Variants in CIAO1 observed in about 807,000 individuals in gnomAD.
CIAO1 encodes the protein probable cytosolic iron-sulfur protein assembly protein CIAO1.
CIAO1 carries 32 observed loss-of-function variants against 43.1 expected under a neutral mutation model. That is an observed-to-expected ratio of 0.74 (90% CI 0.56 to 1.00). The LOEUF (loss-of-function observed/expected upper bound fraction) is 1.00, where lower values mean the gene tolerates loss of function less well. CIAO1 is among the 50% of genes least tolerant of loss of function. CIAO1 has a pLI of 0.00. For synonymous variants in CIAO1, 183 were observed against 171.4 expected (o/e 1.07, Z -0.53); for missense variants, 415 against 437.4 (o/e 0.95, Z 0.46).
chr2:96,266,557 A>G (rs963417918), intron 1 of CIAO1, 68 bp downstream of exon 1: 2 of 1,320,174 alleles, frequency 1.5e-6, no homozygotes, highest in South Asian at 2.1e-5. Context: ...GCAGGCGCTC[A>G]GCCTGCAGGG....
At chr2:96,270,134 A>G (rs1037028153) in intron 6 of CIAO1, among the ~76,000 whole-genome samples, 7 of 152,258 alleles carry the variant, frequency 4.6e-5, no homozygotes, top group Admixed American at 3.9e-4. Flanking sequence ...GGAATCACCT[A>G]TTCAACAAAA....
chr2:96,268,631 CGTCA>C lies in CIAO1; in HGVS notation c.667_670del (p.Gln223IlefsTer40). On this transcript the variant is annotated frameshift_variant, in exon 5 of 7. Transcript: ENST00000488633. LOFTEE classifies it high-confidence loss of function. The stretch of plus-strand genomic sequence containing the variant: ...TGATGACCGTACTGTGCGTATCTGG[CGTCA>C]GTATCTACCAGGCAATGAACAAGGT... 1 of 1,614,138 alleles carries C rather than the reference CGTCA, an allele frequency of 6.2e-7. No homozygotes were observed. Among genetic ancestry groups the C allele is most frequent in the Non-Finnish European group, 8.5e-7 (1 of 1,180,030 alleles).
At position 96,273,152 on chromosome 2, in the gene CIAO1, T is replaced by G. The variant is rs928116399; in HGVS notation, c.*1801T>G. ...ATCTGTACTCCACCATGAGCTTTAT[T>G]GTTGGGGATATTAACAAATGTGATT... On this transcript the variant is annotated 3_prime_UTR_variant, in exon 7 of 7. Transcript: ENST00000488633. 6.6e-6 allele frequency: 1 copy of G among 152,206 alleles called. No homozygotes were observed. The highest frequency in any genetic ancestry group is 1.5e-5 in the Non-Finnish European group (1 of 68,038). 9.4% of individuals were successfully genotyped at this position (152,206 alleles called of 1,614,324 possible).
At chr2:96,269,502 A>C in intron 6 of CIAO1, 147 bp downstream of exon 6, 3 of 724,946 alleles carry the variant, frequency 4.1e-6, no homozygotes, top group Non-Finnish European at 7.2e-6. Flanking sequence ...TGACTCTACC[A>C]TGCTGGTTTA....
intron 5 of CIAO1, 74 bp downstream of exon 5, chr2:96,268,732 G>A (rs2104316805): frequency 6.8e-7 from 1 of 1,475,230 alleles, no homozygotes; most frequent in Non-Finnish European, 9.4e-7. Flanking sequence ...ACGTACATGA[G>A]TCAGAGCAAA....
chr2:96,266,428 C>G lies in CIAO1; in HGVS notation c.78C>G (p.Pro26=), dbSNP rs774429632. ...DSRCWFLAWN[P]AGTLLASCGG... ...GCTGCTGGTTCCTGGCCTGGAACCCCGCGGGGACCCTGCTGGCCTCGTGCG... is the reference window on the plus strand; with the variant it reads ...GCTGCTGGTTCCTGGCCTGGAACCCGGCGGGGACCCTGCTGGCCTCGTGCG... The change falls in exon 1 of 7, where the codon CCC becomes CCG. Residue 26 remains proline (P), a synonymous_variant. Coordinates refer to ENST00000488633, the MANE Select transcript of CIAO1 (RefSeq NM_004804.3). 1.7e-5 allele frequency: 26 copies of G among 1,561,532 alleles called. 1 individual carries two copies. In the East Asian group the frequency reaches 6.3e-4, roughly 38 times the overall value.
chr2:96,266,951 A>T (rs1172686472), intron 1 of CIAO1, among the ~76,000 whole-genome samples: 1 of 152,060 alleles, frequency 6.6e-6, no homozygotes, highest in Non-Finnish European at 1.5e-5. Context: ...CCTGGCCAAC[A>T]TGGTGAAACC....
At position 96,273,347 on chromosome 2, in the gene CIAO1, T is replaced by G. The variant is rs527390901; in HGVS notation, c.*1996T>G. 2 of 152,196 alleles carry G rather than the reference T, an allele frequency of 1.3e-5. No individual in the cohort carries two copies. The highest frequency in any genetic ancestry group is 2.9e-5 in the Non-Finnish European group (2 of 68,004). 9.4% of individuals were successfully genotyped at this position (152,196 alleles called of 1,614,324 possible). A position where few individuals can be genotyped will look rare whatever the true frequency, so the allele number is the denominator to read the frequency against. On this transcript the variant is annotated 3_prime_UTR_variant, in exon 7 of 7. Coordinates refer to ENST00000488633, the MANE Select transcript of CIAO1 (RefSeq NM_004804.3). Reference sequence around the variant, plus strand: ...ATAAGAGTGCATTAAGTTTTCGGAGTCTACATTGCCTTTAAGAAACTATGA... The same window carrying G: ...ATAAGAGTGCATTAAGTTTTCGGAGGCTACATTGCCTTTAAGAAACTATGA...
chr2:96,270,306 A>C (rs1684523310), intron 6 of CIAO1, among the ~76,000 whole-genome samples: 1 of 152,140 alleles, frequency 6.6e-6, no homozygotes, highest in Non-Finnish European at 1.5e-5. Context: ...GGAGTTCAAG[A>C]CCAGCCTGAC....
At position 96,269,372 on chromosome 2, in the gene CIAO1, C is replaced by T. The variant is rs529930540; in HGVS notation, c.779+17C>T. The T allele has an allele frequency of 2.0e-4, 317 of 1,596,742 alleles. 2 individuals are homozygous for T. The South Asian group carries it at 3.3e-3, about 17-fold the overall frequency. On this transcript the variant is annotated intron_variant, in intron 6 of 6. Transcript: ENST00000488633. The stretch of plus-strand genomic sequence containing the variant: ...CATTGCTTGGTAAGACTCCATCCCC[C>T]CACCCCATCCCATCCCCATAAATCA...
rs1447633074 is a variant in CIAO1, at chr2:96,273,181, A to G, written c.*1830A>G. On this transcript the variant is annotated 3_prime_UTR_variant, in exon 7 of 7. Coordinates refer to ENST00000488633, the MANE Select transcript of CIAO1 (RefSeq NM_004804.3). Reference sequence around the variant, plus strand: ...GGGGATATTAACAAATGTGATTTGTATAATGAAATGCATTTCATTTGGAAG... The same window carrying G: ...GGGGATATTAACAAATGTGATTTGTGTAATGAAATGCATTTCATTTGGAAG... 1 of 152,260 alleles carries G rather than the reference A, an allele frequency of 6.6e-6. No individual in the cohort carries two copies. The highest frequency in any genetic ancestry group is 1.5e-5 in the Non-Finnish European group (1 of 68,044). 9.4% of individuals were successfully genotyped at this position (152,260 alleles called of 1,614,324 possible).
In CIAO1 at chr2:96,272,598, G is replaced by T. The variant is rs1326425243; in HGVS notation, c.*1247G>T. On this transcript the variant is annotated 3_prime_UTR_variant, in exon 7 of 7. Coordinates refer to ENST00000488633, the MANE Select transcript of CIAO1 (RefSeq NM_004804.3). ...GGCTGAGGCGGGCGGATCACCTGAGGTCGGGAGTTCGAGGCCAGCCTGACC... is the reference window on the plus strand; with the variant it reads ...GGCTGAGGCGGGCGGATCACCTGAGTTCGGGAGTTCGAGGCCAGCCTGACC... 6.6e-6 allele frequency: 1 copy of T among 152,168 alleles called. No individual in the cohort carries two copies. The highest frequency in any genetic ancestry group is 1.5e-5 in the Non-Finnish European group (1 of 68,088). 9.4% of individuals were successfully genotyped at this position (152,168 alleles called of 1,614,324 possible).
rs1468918365 is a variant in CIAO1 at position 96,271,111 on chromosome 2, G to T, written c.780G>T (p.Trp260Cys). 6.2e-7 allele frequency: 1 copy of T among 1,614,180 alleles called. No individual in the cohort carries two copies. ...CCCACTGATGTCACTTTCCTTCCAG[G>T]TGTCAGCTGACAGGGGCTCTGGCCA... ...FHSRTIYDIA[W>C]CQLTGALATA... The change falls in exon 7 of 7, where the codon TGG becomes TGT. Residue 260 changes from tryptophan (W) to cysteine (C), a missense_variant and splice_region_variant. Coordinates refer to ENST00000488633, the MANE Select transcript of CIAO1 (RefSeq NM_004804.3).
intron 6 of CIAO1, among the ~76,000 whole-genome samples, chr2:96,270,450 C>T (rs1452828510): frequency 1.3e-5 from 2 of 150,852 alleles, no homozygotes; most frequent in African/African-American, 4.9e-5. Context: ...TGCAGTGAGC[C>T]GAGATTGCGC....
chr2:96,267,777 C>T (rs1357797030), intron 3 of CIAO1, 41 bp downstream of exon 3: 3 of 1,608,212 alleles, frequency 1.9e-6, no homozygotes, highest in Non-Finnish European at 2.6e-6. Context: ...AACCACCTGA[C>T]AGCCCCCTCT....
In CIAO1 at chr2:96,271,182, A is replaced by C. The variant is rs761312907; in HGVS notation, c.851A>C (p.Asn284Thr). Reference sequence around the variant, plus strand: ...ATCCGCGTGTTTCAGGAGGATCCCAACTCGGATCCACAGCAGCCCACCTTC... The same window carrying C: ...ATCCGCGTGTTTCAGGAGGATCCCACCTCGGATCCACAGCAGCCCACCTTC... ...DAIRVFQEDP[N>T]SDPQQPTFSL... Residue 284 changes from asparagine to threonine, a missense_variant, in exon 7 of 7, where the codon AAC becomes ACC. Transcript: ENST00000488633. The C allele has an allele frequency of 6.2e-7, 1 of 1,614,030 alleles. No homozygotes were observed. Among genetic ancestry groups the C allele is most frequent in the Non-Finnish European group, 8.5e-7 (1 of 1,180,030 alleles).
intron 6 of CIAO1, among the ~76,000 whole-genome samples, chr2:96,270,582 G>A (rs1052135791): frequency 4.6e-5 from 7 of 152,062 alleles, no homozygotes; most frequent in Non-Finnish European, 8.8e-5. Flanking sequence ...GGCTGAGGCA[G>A]GTGGATCACT....
chr2:96,268,024 G>C (rs1684471931), intron 4 of CIAO1, 100 bp downstream of exon 4: 1 of 973,092 alleles, frequency 1.0e-6, no homozygotes, highest in East Asian at 2.5e-5. Context: ...TTTACGGAGA[G>C]TTCCATCTGT....
chr2:96,269,738 C>A (rs575169890), intron 6 of CIAO1, among the ~76,000 whole-genome samples: 1 of 152,308 alleles, frequency 6.6e-6, no homozygotes, highest in African/African-American at 2.4e-5. Context: ...AGCTCCGTCT[C>A]CCGGGTTCAC....
Sources: allele counts gnomAD v4.1 joint callset (sites outside exome capture counted in the v4.1 genomes callset), GRCh38; gene constraint gnomAD v4.1.1; transcripts MANE v1.5; gene names NCBI Gene and HGNC (gene_info 2026-07-23, HGNC 2026-07-21).